The following NRDC variants were observed in gnomAD, a reference collection of about 807,000 sequenced individuals.
The protein encoded by NRDC is nardilysin.
Under a neutral mutation model 147.1 loss-of-function variants are expected in NRDC, and 54 were observed. That is an observed-to-expected ratio of 0.37 (90% CI 0.29 to 0.46). The LOEUF (loss-of-function observed/expected upper bound fraction) is 0.46, where lower values mean the gene tolerates loss of function less well. Among genes scored for constraint, NRDC ranks in the 20% least tolerant of loss-of-function variants. The pLI, the probability that NRDC is intolerant of heterozygous loss-of-function variation, is 1.00. For missense variants in NRDC, 1,082 were observed against 1,370.6 expected (o/e 0.79, Z 3.33); for synonymous variants, 440 against 482.1 (o/e 0.91, Z 1.14).
intron 1 of NRDC, among the ~76,000 whole-genome samples, chr1:51,870,672 A>C (rs1683038430): frequency 6.6e-6 from 1 of 152,120 alleles, no homozygotes; most frequent in African/African-American, 2.4e-5. Flanking sequence ...CTTTAAGTGA[A>C]GATATTTTCT....
chr1:51,846,689 G>A (rs760792761), intron 1 of NRDC, among the ~76,000 whole-genome samples: 6 of 152,200 alleles, frequency 3.9e-5, no homozygotes, highest in African/African-American at 2.4e-5. Flanking sequence ...CCCAAAAAGT[G>A]AACACCAACA....
Position 51,814,622 on chromosome 1 carries a change from C to T in NRDC, c.1561-13G>A, listed in dbSNP as rs1679876160. ...CAGTGTAAGCAACCTGAAAACAAAA[C>T]ATCCAATTAGTCTTTTGCATAAAGT... On this transcript the variant is annotated splice_polypyrimidine_tract_variant and intron_variant, in intron 12 of 30. Transcript: ENST00000352171. 2 of 1,611,886 alleles carry T rather than the reference C, an allele frequency of 1.2e-6. No individual in the cohort carries two copies. Among genetic ancestry groups the T allele is most frequent in the South Asian group, 1.1e-5 (1 of 90,964 alleles).
At chr1:51,873,511 AT>A (rs1683186137) in intron 1 of NRDC, among the ~76,000 whole-genome samples, 1 of 150,158 alleles carries the variant, frequency 6.7e-6, no homozygotes, top group South Asian at 2.1e-4. Flanking sequence ...TTATTTATTT[AT>A]TTATTTATTT....
chr1:51,798,457 A>G (rs1241258473), intron 21 of NRDC, 46 bp from the exon 22 acceptor site: 2 of 1,478,104 alleles, frequency 1.4e-6, no homozygotes, highest in Non-Finnish European at 1.9e-6. Context: ...TGTTATTAGA[A>G]ATGAATCTTC....
At chr1:51,830,981 TATA>T (rs1680682248) in intron 4 of NRDC, among the ~76,000 whole-genome samples, 1 of 152,230 alleles carries the variant, frequency 6.6e-6, no homozygotes. Context: ...ATTGTAGAAG[TATA>T]ATATTATAGC....
At chr1:51,816,607 T>C (rs1470583075) in intron 10 of NRDC, among the ~76,000 whole-genome samples, 1 of 152,190 alleles carries the variant, frequency 6.6e-6, no homozygotes, top group Non-Finnish European at 1.5e-5. Flanking sequence ...AAGAGTACAA[T>C]CATCCCAAAA....
At chr1:51,826,680 G>A (rs748688676) in intron 5 of NRDC, among the ~76,000 whole-genome samples, 19 of 152,182 alleles carry the variant, frequency 1.2e-4, no homozygotes, top group Admixed American at 9.8e-4. Flanking sequence ...CTGGGAGGCC[G>A]AAGCAGGCAG....
At chr1:51,791,811 AC>A in intron 26 of NRDC, 150 bp from the exon 27 acceptor site, 1 of 716,134 alleles carries the variant, frequency 1.4e-6, no homozygotes, top group Non-Finnish European at 2.3e-6. Context: ...AGGTGTCCAT[AC>A]CTCTCCTGAA....
intron 1 of NRDC, among the ~76,000 whole-genome samples, chr1:51,845,666 GCT>G (rs1681523601): frequency 6.6e-6 from 1 of 152,120 alleles, no homozygotes; most frequent in Non-Finnish European, 1.5e-5. Flanking sequence ...ACCTAAAATA[GCT>G]CTTTCGCCCA....
At position 51,800,630 on chromosome 1, in the gene NRDC, A is replaced by G; in HGVS notation, c.2367T>C (p.Ala789=). 9.3e-6 allele frequency: 15 copies of G among 1,614,106 alleles called. No homozygotes were observed. Among genetic ancestry groups the G allele is most frequent in the Non-Finnish European group, 1.3e-5 (15 of 1,179,948 alleles). ...DYLAEFNSTP[A]VFTMITEQLK... is the part of the protein sequence containing the mutation. The stretch of plus-strand genomic sequence containing the variant: ...ACTGCTCAGTTATCATTGTAAAGAC[A>G]GCTGGTGTGGAATTGAACTCAGCTA... The change falls in exon 21 of 31, where the codon GCT becomes GCC. Residue 789 remains alanine (A), a synonymous_variant. Transcript: ENST00000352171.
intron 1 of NRDC, among the ~76,000 whole-genome samples, chr1:51,869,912 TA>T (rs35159626): frequency 3.9e-5 from 6 of 152,284 alleles, no homozygotes; most frequent in East Asian, 3.9e-4. Flanking sequence ...AAAATACACT[TA>T]AAAAAATTTT....
intron 8 of NRDC, among the ~76,000 whole-genome samples, chr1:51,820,527 TA>T (rs1292701629): frequency 6.6e-6 from 1 of 152,174 alleles, no homozygotes; most frequent in African/African-American, 2.4e-5. Flanking sequence ...CTGATTTTAT[TA>T]AAGTTTCACA....
intron 1 of NRDC, among the ~76,000 whole-genome samples, chr1:51,874,482 G>A (rs1209930329): frequency 6.6e-6 from 1 of 152,086 alleles, no homozygotes; most frequent in Non-Finnish European, 1.5e-5. Context: ...GATGGCACGT[G>A]CCTGTAGTCC....
In NRDC at chr1:51,818,008, G is replaced by A. The variant is rs1680049851; in HGVS notation, c.1361+58C>T. 3.1e-6 allele frequency: 4 copies of A among 1,290,662 alleles called. No individual in the cohort carries two copies. In the African/African-American group the frequency reaches 5.9e-5, roughly 19 times the overall value. The allele number at this position is 1,290,662 out of a possible 1,614,324, so 80.0% of individuals were successfully genotyped here. A position where few individuals can be genotyped will look rare whatever the true frequency, so the allele number is the denominator to read the frequency against. On this transcript the variant is annotated intron_variant, in intron 10 of 30. Transcript: ENST00000352171. ...CCCCCAAACTTAAACCATTTAGCAT[G>A]CTTTAAAAATTACTCTCACTTGGTT...
intron 28 of NRDC, 35 bp from the exon 29 acceptor site, chr1:51,790,684 G>T: frequency 7.0e-7 from 1 of 1,428,726 alleles, no homozygotes; most frequent in Non-Finnish European, 9.9e-7. Flanking sequence ...CTCAGGTGAG[G>T]CAACATACCA....
intron 20 of NRDC, 183 bp from the exon 21 acceptor site, chr1:51,800,866 G>C (rs141823403): frequency 1.7e-6 from 1 of 581,906 alleles, no homozygotes; most frequent in Non-Finnish European, 3.0e-6. Flanking sequence ...CCTGGAGACA[G>C]GATATCACTG....
At chr1:51,874,386 G>A (rs1179476504) in intron 1 of NRDC, among the ~76,000 whole-genome samples, 1 of 152,026 alleles carries the variant, frequency 6.6e-6, no homozygotes, top group Non-Finnish European at 1.5e-5. Context: ...GGAGGCCAAG[G>A]AGGGCAGATC....
At chr1:51,809,127 CA>C (rs1354892378) in intron 17 of NRDC, among the ~76,000 whole-genome samples, 187 bp downstream of exon 17, 2 of 152,134 alleles carry the variant, frequency 1.3e-5, no homozygotes, top group Admixed American at 1.3e-4. Flanking sequence ...AGTCTTGTAC[CA>C]GTCACTTTGC....
intron 1 of NRDC, among the ~76,000 whole-genome samples, chr1:51,876,402 T>C (rs1481978569): frequency 6.6e-6 from 1 of 152,218 alleles, no homozygotes; most frequent in East Asian, 1.9e-4. Context: ...ACAAAATTCA[T>C]TTATGGTTCA....
Sources: allele counts gnomAD v4.1 joint callset (sites outside exome capture counted in the v4.1 genomes callset), GRCh38; gene constraint gnomAD v4.1.1; transcripts MANE v1.5; gene names NCBI Gene and HGNC (gene_info 2026-07-23, HGNC 2026-07-21).